The following GALP variants were observed in gnomAD, a reference collection of about 807,000 sequenced individuals.
The protein encoded by GALP is galanin-like peptide.
A neutral mutation model predicts 15.2 loss-of-function variants in GALP; 12 were observed. That is an observed-to-expected ratio of 0.79 (90% CI 0.51 to 1.28). GALP has a LOEUF of 1.28. Ranked by LOEUF, GALP falls within the 50% of genes most tolerant of loss-of-function variation. The probability of loss-of-function intolerance (pLI) is 0.00; values close to 1 mark genes in which losing one functional copy is unlikely to be tolerated. For missense variants in GALP, 161 were observed against 145.6 expected, an observed-to-expected ratio of 1.11 and a Z score of -0.55; for synonymous variants, 58 against 55.1, an observed-to-expected ratio of 1.05 and a Z score of -0.23.
chr19:56,183,205 G>A lies in GALP; in HGVS notation c.288G>A (p.Glu96=). Reference sequence around the variant, plus strand: ...TGATGGAGACGTTTGCCAAACCAGAGATTGGAGGTAAAGCCAGGAAACACA... The same window carrying A: ...TGATGGAGACGTTTGCCAAACCAGAAATTGGAGGTAAAGCCAGGAAACACA... ...RNVMETFAKP[E]IGDLGMLSMK... The change falls in exon 5 of 6, where the codon GAG becomes GAA. Residue 96 remains glutamate (E), a synonymous_variant. Transcript: ENST00000357330. 1 of 1,613,258 alleles carries A rather than the reference G, an allele frequency of 6.2e-7. No homozygotes were observed. The highest frequency in any genetic ancestry group is 8.5e-7 in the Non-Finnish European group (1 of 1,179,276).
At chr19:56,180,073 G>A (rs544768708) in intron 2 of GALP, among the ~76,000 whole-genome samples, 8 of 152,270 alleles carry the variant, frequency 5.3e-5, no homozygotes, top group East Asian at 1.9e-4. Flanking sequence ...CACCACGCCC[G>A]GCCTAATTTT....
At position 56,177,121 on chromosome 19, in the gene GALP, T is replaced by C; in HGVS notation, c.13T>C (p.Ser5Pro). Residue 5 changes from serine to proline, a missense_variant, in exon 2 of 6, where the codon TCC becomes CCC. Ser to Pro is a moderately conservative substitution (Grantham distance 74). Transcript: ENST00000357330. ...CGTCCTGCCTTCGATGGCTCCTCCC[T>C]CCGTCCCCCTGGTCCTCCTCCTCGT... MAPP[S>P]VPLVLLLVLL... 6.2e-7 allele frequency: 1 copy of C among 1,613,254 alleles called. No homozygotes were observed. Among genetic ancestry groups the C allele is most frequent in the South Asian group, 1.1e-5 (1 of 90,946 alleles).
intron 4 of GALP, 76 bp from the exon 5 acceptor site, chr19:56,183,059 T>C: frequency 9.8e-7 from 1 of 1,025,190 alleles, no homozygotes. Context: ...CCCGTCTTTG[T>C]GTCTGTGTGT....
At chr19:56,185,010 G>A (rs931654874) in intron 5 of GALP, among the ~76,000 whole-genome samples, 2 of 152,078 alleles carry the variant, frequency 1.3e-5, no homozygotes, top group African/African-American at 4.8e-5. Flanking sequence ...GATGAAAGTA[G>A]AGAGAAGGGG....
intron 5 of GALP, 118 bp from the exon 6 acceptor site, chr19:56,185,097 T>A (rs1161673036): frequency 1.5e-6 from 1 of 675,828 alleles, no homozygotes; most frequent in African/African-American, 1.9e-5. Context: ...GGTCAGGAGT[T>A]CAAGACCAGC....
At position 56,185,204 on chromosome 19, in the gene GALP, C is replaced by G; in HGVS notation, c.296-11C>G. The stretch of plus-strand genomic sequence containing the variant: ...AAAACCATTCAAAGTTTACCTCTTT[C>G]TTTCCCACAGATCTGGGCATGCTCA... On this transcript the variant is annotated splice_polypyrimidine_tract_variant and intron_variant, in intron 5 of 5. Coordinates refer to ENST00000357330, the MANE Select transcript of GALP (RefSeq NM_033106.4). 6.3e-7 allele frequency: 1 copy of G among 1,592,756 alleles called. No individual in the cohort carries two copies.
At chr19:56,183,356 C>G (rs971882666) in intron 5 of GALP, 144 bp downstream of exon 5, 1 of 674,718 alleles carries the variant, frequency 1.5e-6, no homozygotes, top group African/African-American at 1.8e-5. Flanking sequence ...AGCCACTACC[C>G]CGACCACTCA....
At chr19:56,181,834 G>A (rs577032487) in intron 3 of GALP, among the ~76,000 whole-genome samples, 5 of 152,250 alleles carry the variant, frequency 3.3e-5, no homozygotes, top group African/African-American at 7.2e-5. Flanking sequence ...CGAGATTCCC[G>A]TGGTGCTCAA....
intron 2 of GALP, among the ~76,000 whole-genome samples, chr19:56,177,968 T>C (rs1555785892): frequency 6.6e-6 from 1 of 152,140 alleles, no homozygotes; most frequent in Non-Finnish European, 1.5e-5. Context: ...GCATGGTGGC[T>C]GTTGTTCATA....
intron 2 of GALP, among the ~76,000 whole-genome samples, chr19:56,178,521 C>CAAAA (rs80223966): frequency 0.026 from 2,266 of 85,658 alleles, 83 homozygotes; most frequent in East Asian, 0.1. Context: ...ACAACAACAA[C>CAAAA]AAAAAAAAAA....
chr19:56,181,609 T>C (rs2032569074), intron 3 of GALP, among the ~76,000 whole-genome samples: 2 of 151,974 alleles, frequency 1.3e-5, no homozygotes, highest in Admixed American at 1.3e-4. Context: ...GGTTTCTCCA[T>C]GTTGGTCAGA....
At chr19:56,178,903 G>A (rs866372272) in intron 2 of GALP, among the ~76,000 whole-genome samples, 5 of 152,158 alleles carry the variant, frequency 3.3e-5, no homozygotes, top group Admixed American at 6.5e-5. Context: ...GGCCGGGCAC[G>A]GTGGCTCACG....
rs151198103 is a variant in GALP, at chr19:56,183,137, G to T, written c.220G>T (p.Gly74Trp). The T allele has an allele frequency of 2.5e-6, 4 of 1,610,746 alleles. No homozygotes were observed. The highest frequency in any genetic ancestry group is 3.4e-6 in the Non-Finnish European group (4 of 1,177,110). ...EILDLWKAIDGLPYSHPPQPS... is the reference protein window; with the variant it reads ...EILDLWKAIDWLPYSHPPQPS... ...GAATGTTGTATTTTTGTTTCTAGAC[G>T]GGCTCCCCTACTCCCACCCTCCACA... The change falls in exon 5 of 6, where the codon GGG becomes TGG. Residue 74 changes from glycine to tryptophan, a missense_variant and splice_region_variant. Coordinates refer to ENST00000357330, the MANE Select transcript of GALP (RefSeq NM_033106.4).
At chr19:56,183,667 G>C (rs1008408143) in intron 5 of GALP, among the ~76,000 whole-genome samples, 6 of 152,068 alleles carry the variant, frequency 3.9e-5, no homozygotes, top group Non-Finnish European at 1.5e-5. Context: ...GTGCGATCTT[G>C]GCTGACTGCA....
In GALP at chr19:56,182,197, C is replaced by T; in HGVS notation, c.162C>T (p.Asp54=). The change falls in exon 4 of 6, where the codon GAC becomes GAT. Residue 54 remains aspartate (D), a synonymous_variant. Coordinates refer to ENST00000357330, the MANE Select transcript of GALP (RefSeq NM_033106.4). ...TCCTCCACCTTCCCCAAATGGGTGA[C>T]CAAGACGGAAAGAGGGAGACAGCCC... ...GPVLHLPQMG[D]QDGKRETALE... is the part of the protein sequence containing the mutation. 6.2e-7 allele frequency: 1 copy of T among 1,613,984 alleles called. No individual in the cohort carries two copies. The highest frequency in any genetic ancestry group is 8.5e-7 in the Non-Finnish European group (1 of 1,179,848).
intron 2 of GALP, among the ~76,000 whole-genome samples, chr19:56,179,491 T>G (rs2032525386): frequency 6.6e-6 from 1 of 151,048 alleles, no homozygotes. Context: ...TATATATATT[T>G]TGTATTTTTA....
At chr19:56,177,355 A>G (rs1257270225) in intron 2 of GALP, among the ~76,000 whole-genome samples, 160 bp downstream of exon 2, 1 of 152,028 alleles carries the variant, frequency 6.6e-6, no homozygotes, top group African/African-American at 2.4e-5. Flanking sequence ...TACTAAAAAC[A>G]CAAAAATTAG....
At chr19:56,181,400 T>C (rs1425710433) in intron 3 of GALP, among the ~76,000 whole-genome samples, 4 of 137,174 alleles carry the variant, frequency 2.9e-5, no homozygotes, top group Admixed American at 2.9e-4. Context: ...CTCTCCTTTT[T>C]TTTTTTTTTT....
chr19:56,184,075 C>T (rs918740506), intron 5 of GALP, among the ~76,000 whole-genome samples: 2 of 151,798 alleles, frequency 1.3e-5, no homozygotes, highest in Non-Finnish European at 1.5e-5. Flanking sequence ...CCTGCCTCAG[C>T]CTTCTGAGTA....
Sources: allele counts gnomAD v4.1 joint callset (sites outside exome capture counted in the v4.1 genomes callset), GRCh38; gene constraint gnomAD v4.1.1; transcripts MANE v1.5; gene names NCBI Gene and HGNC (gene_info 2026-07-23, HGNC 2026-07-21).